UNC79: variants seen among roughly 807,000 people sequenced by gnomAD.
The protein encoded by UNC79 is protein unc-79 homolog.
A neutral mutation model predicts 283.1 loss-of-function variants in UNC79; 37 were observed. The ratio of observed to expected loss-of-function variants is 0.13; its 90% CI spans 0.10 to 0.17. The LOEUF (loss-of-function observed/expected upper bound fraction) is 0.17, where lower values mean the gene tolerates loss of function less well. UNC79 is among the 10% of genes least tolerant of loss of function. UNC79 has a pLI of 1.00. For synonymous variants in UNC79, 1,107 were observed against 1,200.2 expected (o/e 0.92, Z 1.61); for missense variants, 2,272 against 3,211.1 (o/e 0.71, Z 7.07).
chr14:93,570,999 C>A (rs2063175379), intron 14 of UNC79, among the ~76,000 whole-genome samples: 1 of 152,138 alleles, frequency 6.6e-6, no homozygotes, highest in Admixed American at 6.5e-5. Flanking sequence ...GAAATATAGT[C>A]ATTTCTTGAA....
At chr14:93,404,518 A>ATG (rs1490601592) in intron 1 of UNC79, among the ~76,000 whole-genome samples, 1 of 130,450 alleles carries the variant, frequency 7.7e-6, no homozygotes, top group East Asian at 2.1e-4. Flanking sequence ...ATATATAAAT[A>ATG]TATACATATT....
At position 93,563,592 on chromosome 14, in the gene UNC79, T is replaced by C. The variant is rs141983658; in HGVS notation, c.1756-8302T>C. 3.0e-3 allele frequency among the ~76,000 whole-genome samples: 450 copies of C among 152,234 alleles called. 3 individuals carry two copies. Among genetic ancestry groups the C allele is most frequent in the African/African-American group, 0.01 (429 of 41,544 alleles). Reference sequence around the variant, plus strand: ...GGGGGCAGAGCAGTAGCCTCAATGATAGATGTGGAAGATACTACTACAGCA... The same window carrying C: ...GGGGGCAGAGCAGTAGCCTCAATGACAGATGTGGAAGATACTACTACAGCA... On this transcript the variant is annotated intron_variant, in intron 14 of 48. Coordinates refer to ENST00000555664, the Ensembl canonical transcript of UNC79.
intron 7 of UNC79, among the ~76,000 whole-genome samples, 176 bp from the exon 8 acceptor site, chr14:93,523,802 G>C (rs865943556): frequency 5.3e-5 from 8 of 152,144 alleles, no homozygotes; most frequent in Non-Finnish European, 4.4e-5. Flanking sequence ...AAAATGGATG[G>C]AGTTGTATAT....
In UNC79 at chr14:93,497,432, G is replaced by A. The variant is rs2140615878; in HGVS notation, c.898+146G>A. On this transcript the variant is annotated intron_variant, in intron 7 of 48. Transcript: ENST00000555664. ...TCATAAATCCTTTCTGAAACTAAGT[G>A]GTTTAAAGATGAATTAATTCAAATC... 4.1e-6 allele frequency: 5 copies of A among 1,212,782 alleles called. No individual in the cohort carries two copies. In the East Asian group the frequency reaches 8.2e-5, roughly 20 times the overall value. 75.1% of individuals were successfully genotyped at this position (1,212,782 alleles called of 1,614,324 possible). A position where few individuals can be genotyped will look rare whatever the true frequency, so the allele number is the denominator to read the frequency against.
chr14:93,607,356 T>A (rs1246557985), intron 26 of UNC79, among the ~76,000 whole-genome samples: 2 of 152,188 alleles, frequency 1.3e-5, no homozygotes, highest in African/African-American at 4.8e-5. Context: ...ATATATAGTA[T>A]CTCTTTACTT....
intron 14 of UNC79, among the ~76,000 whole-genome samples, chr14:93,562,722 G>A (rs959176509): frequency 2.6e-4 from 40 of 152,292 alleles, no homozygotes; most frequent in African/African-American, 9.1e-4. Context: ...AGGCCAAACC[G>A]AGGAATTATG....
intron 1 of UNC79, among the ~76,000 whole-genome samples, chr14:93,416,780 CTTCT>C (rs1382115037): frequency 5.9e-5 from 9 of 152,038 alleles, no homozygotes. Flanking sequence ...ATGTAATGGC[CTTCT>C]TTGTCTCTTT....
intron 22 of UNC79, among the ~76,000 whole-genome samples, chr14:93,589,922 A>G (rs1484028966): frequency 1.3e-5 from 2 of 152,132 alleles, no homozygotes; most frequent in South Asian, 2.1e-4. Context: ...TTAGCCAAGT[A>G]TGGTGGTGCA....
At chr14:93,547,394 G>T (rs752717107) in intron 14 of UNC79, among the ~76,000 whole-genome samples, 1 of 62,198 alleles carries the variant, frequency 1.6e-5, no homozygotes, top group Admixed American at 2.3e-4. Context: ...ATTTTCAAGC[G>T]TCCCTCTGGG....
chr14:93,428,042 T>C (rs141941306), upstream of UNC79, among the ~76,000 whole-genome samples: 251 of 152,126 alleles, frequency 1.6e-3, no homozygotes, highest in Non-Finnish European at 3.1e-3. Context: ...CAAAAAGAAA[T>C]AGGGAGAAAT....
At chr14:93,677,177 G>A (rs1376318315) in intron 41 of UNC79, among the ~76,000 whole-genome samples, 3 of 152,122 alleles carry the variant, frequency 2.0e-5, no homozygotes, top group African/African-American at 4.8e-5. Flanking sequence ...TAAAAGTGAG[G>A]CATACCTTAA....
intron 26 of UNC79, among the ~76,000 whole-genome samples, chr14:93,603,794 T>C (rs2065687110): frequency 6.6e-6 from 1 of 152,146 alleles, no homozygotes; most frequent in African/African-American, 2.4e-5. Context: ...AGACCTATCA[T>C]GGCTAAGGAG....
intron 30 of UNC79, among the ~76,000 whole-genome samples, chr14:93,626,277 G>T (rs2067562287): frequency 6.6e-6 from 1 of 152,044 alleles, no homozygotes; most frequent in Non-Finnish European, 1.5e-5. Context: ...CACCTTATCT[G>T]CCCACCTTCC....
intron 4 of UNC79, 111 bp from the exon 5 acceptor site, chr14:93,487,552 A>G: frequency 1.3e-6 from 1 of 741,838 alleles, no homozygotes; most frequent in Non-Finnish European, 2.0e-6. Flanking sequence ...CATTAGCTTT[A>G]TTGGAGCTAT....
intron 1 of UNC79, among the ~76,000 whole-genome samples, chr14:93,389,535 G>A (rs1297272147): frequency 2.0e-5 from 3 of 152,068 alleles, no homozygotes; most frequent in Non-Finnish European, 4.4e-5. Context: ...GACAGAGGTT[G>A]GAGTTCTTGG....
chr14:93,386,997 C>G (rs1248780804), intron 1 of UNC79, among the ~76,000 whole-genome samples: 3 of 113,210 alleles, frequency 2.6e-5, no homozygotes, highest in African/African-American at 1.0e-4. Context: ...GGCTGGAGTG[C>G]AATGGCATGA....
intron 39 of UNC79, 55 bp downstream of exon 42, chr14:93,659,316 A>G (rs2071280922): frequency 7.1e-7 from 1 of 1,409,104 alleles, no homozygotes; most frequent in South Asian, 1.2e-5. Flanking sequence ...TTTTTAACCT[A>G]ATGAGATAGG....
At chr14:93,668,494 T>C (rs914065918) in intron 40 of UNC79, among the ~76,000 whole-genome samples, 5 of 152,166 alleles carry the variant, frequency 3.3e-5, no homozygotes, top group African/African-American at 1.2e-4. Flanking sequence ...GAAGATCGCT[T>C]GAGCCCAGGA....
At chr14:93,395,842 G>GT (rs548293723) in intron 1 of UNC79, among the ~76,000 whole-genome samples, 8 of 151,272 alleles carry the variant, frequency 5.3e-5, no homozygotes, top group Non-Finnish European at 8.8e-5. Flanking sequence ...TTTTTTCTTT[G>GT]TTTTTTGACA....
Sources: gnomAD v4.1 joint callset for allele counts (sites outside exome capture counted in the v4.1 genomes callset) on GRCh38, gnomAD v4.1.1 for gene constraint, MANE v1.5 for transcripts, NCBI Gene and HGNC (gene_info 2026-07-23, HGNC 2026-07-21) for gene names.